GALNT17: variants seen among roughly 807,000 people sequenced by gnomAD.
GALNT17 encodes UDP-GalNAc:polypeptide N-acetylgalactosaminyltransferase-like 3.
GALNT17 carries 29 observed loss-of-function variants against 63.7 expected under a neutral mutation model. The observed-to-expected ratio is 0.46, with a 90% confidence interval of 0.34 to 0.62. The LOEUF (loss-of-function observed/expected upper bound fraction) is 0.62, where lower values mean the gene tolerates loss of function less well. Ranked by LOEUF, GALNT17 falls within the 20% of genes least tolerant of loss-of-function variation. The pLI, the probability that GALNT17 is intolerant of heterozygous loss-of-function variation, is 0.01. For missense variants in GALNT17, 603 were observed against 799.6 expected (o/e 0.75, Z 2.97); for synonymous variants, 305 against 318.3 (o/e 0.96, Z 0.45).
intron 5 of GALNT17, among the ~76,000 whole-genome samples, chr7:71,525,084 CT>C (rs1221499805): frequency 6.6e-6 from 1 of 152,180 alleles, no homozygotes; most frequent in Non-Finnish European, 1.5e-5. Context: ...GTGACTGTGG[CT>C]TTTACCATTA....
intron 5 of GALNT17, among the ~76,000 whole-genome samples, chr7:71,524,317 A>G (rs1788589598): frequency 6.7e-6 from 1 of 148,428 alleles, no homozygotes; most frequent in Admixed American, 6.8e-5. Context: ...TACTATAACT[A>G]GTACTATTAA....
intron 5 of GALNT17, among the ~76,000 whole-genome samples, chr7:71,513,984 G>A (rs1440278147): frequency 6.6e-6 from 1 of 152,146 alleles, no homozygotes; most frequent in African/African-American, 2.4e-5. Context: ...TTGAGACCAG[G>A]AGTTTGAGAC....
At chr7:71,532,700 A>G (rs1437589084) in intron 5 of GALNT17, among the ~76,000 whole-genome samples, 2 of 152,202 alleles carry the variant, frequency 1.3e-5, no homozygotes, top group African/African-American at 4.8e-5. Flanking sequence ...AGGCTACACT[A>G]CGGGATCTGC....
intron 5 of GALNT17, among the ~76,000 whole-genome samples, chr7:71,486,984 G>A (rs1787922518): frequency 6.6e-6 from 1 of 152,204 alleles, no homozygotes; most frequent in African/African-American, 2.4e-5. Flanking sequence ...CCCTGCCTGG[G>A]ATGATGCACT....
At chr7:71,693,095 G>C (rs1467806350) in intron 9 of GALNT17, among the ~76,000 whole-genome samples, 1 of 151,754 alleles carries the variant, frequency 6.6e-6, no homozygotes. Flanking sequence ...TTCAGTGAAA[G>C]TGGATCATCA....
At chr7:71,376,567 G>C (rs1563046903) in intron 2 of GALNT17, among the ~76,000 whole-genome samples, 1 of 150,118 alleles carries the variant, frequency 6.7e-6, no homozygotes, top group Non-Finnish European at 1.5e-5. Context: ...GTGTGTGTAT[G>C]TGTGTGTGTG....
chr7:71,508,632 C>T (rs1788303920), intron 5 of GALNT17, among the ~76,000 whole-genome samples: 2 of 152,100 alleles, frequency 1.3e-5, no homozygotes, highest in African/African-American at 4.8e-5. Context: ...GAGATGATTG[C>T]AGGTCCTCGC....
chr7:71,427,940 A>G (rs577277606), intron 5 of GALNT17, among the ~76,000 whole-genome samples: 1 of 152,294 alleles, frequency 6.6e-6, no homozygotes, highest in South Asian at 2.1e-4. Flanking sequence ...GAGGTAGAAC[A>G]GTTTCATCCT....
chr7:71,669,374 G>GA (rs1791032617), intron 7 of GALNT17, among the ~76,000 whole-genome samples: 1 of 151,898 alleles, frequency 6.6e-6, no homozygotes, highest in Non-Finnish European at 1.5e-5. Flanking sequence ...ATCCAGGCAT[G>GA]GTGATGCAAG....
chr7:71,290,513 C>A (rs1790960883), intron 1 of GALNT17, among the ~76,000 whole-genome samples: 1 of 152,140 alleles, frequency 6.6e-6, no homozygotes, highest in Admixed American at 6.6e-5. Flanking sequence ...GGAGGCTACC[C>A]TGCTTTCTTA....
At chr7:71,226,854 G>T (rs1295144437) in intron 1 of GALNT17, among the ~76,000 whole-genome samples, 1 of 152,036 alleles carries the variant, frequency 6.6e-6, no homozygotes, top group East Asian at 1.9e-4. Context: ...AAGGCTCCGT[G>T]GTCCTTTTGG....
chr7:71,290,792 C>G (rs564167937), intron 1 of GALNT17, among the ~76,000 whole-genome samples: 2 of 152,176 alleles, frequency 1.3e-5, no homozygotes, highest in Non-Finnish European at 2.9e-5. Flanking sequence ...TCTACAGACT[C>G]TTATGCTCAG....
At chr7:71,339,728 A>AG (rs1175507559) in intron 2 of GALNT17, among the ~76,000 whole-genome samples, 2 of 151,920 alleles carry the variant, frequency 1.3e-5, no homozygotes, top group Non-Finnish European at 2.9e-5. Flanking sequence ...GAGAGGGATA[A>AG]GGGTGGACCA....
intron 2 of GALNT17, among the ~76,000 whole-genome samples, chr7:71,339,266 A>G (rs566501726): frequency 2.8e-4 from 42 of 152,334 alleles, no homozygotes; most frequent in African/African-American, 9.6e-4. Flanking sequence ...AGGAAGACAG[A>G]TATACCAGCA....
chr7:71,196,699 C>T (rs1289083065), intron 1 of GALNT17, among the ~76,000 whole-genome samples: 2 of 152,014 alleles, frequency 1.3e-5, no homozygotes, highest in Non-Finnish European at 2.9e-5. Flanking sequence ...AGTGCAGTGG[C>T]GTGATCTTGG....
At chr7:71,191,261 A>G (rs1278985100) in intron 1 of GALNT17, among the ~76,000 whole-genome samples, 1 of 152,134 alleles carries the variant, frequency 6.6e-6, no homozygotes, top group South Asian at 2.1e-4. Context: ...TTTTAGCCCT[A>G]GATTAGTTTT....
chr7:71,590,508 C>G (rs1789781926), intron 6 of GALNT17, among the ~76,000 whole-genome samples: 1 of 152,180 alleles, frequency 6.6e-6, no homozygotes, highest in South Asian at 2.1e-4. Context: ...TTTACACCAT[C>G]CTCTCCAGTT....
chr7:71,279,145 G>A (rs12532253), intron 1 of GALNT17, among the ~76,000 whole-genome samples: 8,084 of 151,792 alleles, frequency 0.053, 230 homozygotes, highest in Non-Finnish European at 0.072. Flanking sequence ...GGATGGTCTC[G>A]ATCTCCTTAC....
intron 1 of GALNT17, among the ~76,000 whole-genome samples, chr7:71,319,793 A>G (rs1791570364): frequency 6.6e-6 from 1 of 151,806 alleles, no homozygotes; most frequent in African/African-American, 2.4e-5. Context: ...ATCATTTCTT[A>G]CTCTCACATA....
Sources: gnomAD v4.1 joint callset for allele counts (sites outside exome capture counted in the v4.1 genomes callset) on GRCh38, gnomAD v4.1.1 for gene constraint, MANE v1.5 for transcripts, NCBI Gene and HGNC (gene_info 2026-07-23, HGNC 2026-07-21) for gene names.